TECPR1: variants seen among roughly 807,000 people sequenced by gnomAD.
TECPR1 encodes the protein tectonin beta-propeller repeat containing 1.
A neutral mutation model predicts 162.4 loss-of-function variants in TECPR1; 122 were observed. The ratio of observed to expected loss-of-function variants is 0.75; its 90% CI spans 0.65 to 0.87. TECPR1 has a LOEUF of 0.87. Ranked by LOEUF, TECPR1 falls within the 40% of genes least tolerant of loss-of-function variation. The pLI is 0.00. For synonymous variants in TECPR1, 642 were observed against 670.6 expected, an observed-to-expected ratio of 0.96 and a Z score of 0.66; for missense variants, 1,432 against 1,618.2, an observed-to-expected ratio of 0.88 and a Z score of 1.97.
At position 98,228,075 on chromosome 7, in the gene TECPR1, C is replaced by T. The variant is rs201936543; in HGVS notation, c.2452G>A (p.Val818Met). ...TTCTCATAGATGTGAACACACTTCA[C>T]GTCTGACTGCGTGTAGATGTTACTG... ...STSNIYTQSD[V>M]KCVHIYENQR... The change falls in exon 17 of 26, where the codon GTG becomes ATG. Residue 818 changes from valine (V) to methionine (M), a missense_variant. Physicochemically the swap from Val to Met is conservative, Grantham distance 21. Coordinates refer to ENST00000447648, the MANE Select transcript of TECPR1 (RefSeq NM_015395.3). The T allele has an allele frequency of 3.7e-3, 5,922 of 1,612,786 alleles. 24 individuals carry two copies. Among genetic ancestry groups the T allele is most frequent in the Non-Finnish European group, 4.5e-3 (5,350 of 1,179,546 alleles).
rs192756630 is a variant in TECPR1 at position 98,226,708 on chromosome 7, C to T, written c.2513+1306G>A. The T allele has an allele frequency of 7.1e-4, 848 of 1,191,714 alleles. 4 individuals carry two copies. The African/African-American group carries it at 0.012, about 17-fold the overall frequency. The allele number at this position is 1,191,714 out of a possible 1,614,324, so 73.8% of individuals were successfully genotyped here. ...ATCTCAACACTTTGGGAGGCTGAGG[C>T]GGGCTTCGGGAGTTCAGGAGTTGGA... On this transcript the variant is annotated intron_variant, in intron 17 of 25. Coordinates refer to ENST00000447648, the MANE Select transcript of TECPR1 (RefSeq NM_015395.3).
Position 98,236,810 on chromosome 7 carries a change from G to T in TECPR1, c.1147C>A (p.Arg383=). 6.3e-7 allele frequency: 1 copy of T among 1,588,966 alleles called. No homozygotes were observed. Among genetic ancestry groups the T allele is most frequent in the Non-Finnish European group, 8.5e-7 (1 of 1,171,864 alleles). The part of the protein sequence containing the change: ...KAIIAARECD[R]SHSGSSSSLL... ...CTAGACGAGCTGCCAGAGTGTGACC[G>T]GTCACACTCTCGGGCCGCGATGATG... The change falls in exon 10 of 26, where the codon CGG becomes AGG. Residue 383 remains arginine (R), a synonymous_variant. Coordinates refer to ENST00000447648, the MANE Select transcript of TECPR1 (RefSeq NM_015395.3).
chr7:98,219,248 T>C (rs144500136), intron 23 of TECPR1, among the ~76,000 whole-genome samples: 1 of 152,012 alleles, frequency 6.6e-6, no homozygotes, highest in Admixed American at 6.5e-5. Flanking sequence ...TCAAGATGAA[T>C]CAAACACTTA....
At chr7:98,248,794 C>CAA (rs1417136391) in intron 2 of TECPR1, among the ~76,000 whole-genome samples, 12 of 151,194 alleles carry the variant, frequency 7.9e-5, no homozygotes, top group African/African-American at 2.7e-4. Context: ...TGCAGAGAGC[C>CAA]GAGATTGCAC....
Position 98,232,724 on chromosome 7 carries a change from G to A in TECPR1, c.1818+103C>T, listed in dbSNP as rs1380413856. ...CATCTGGGCGGGAGACCAGGGGATG[G>A]AGGCATCTATCTGTTTCTCTCAGAG... On this transcript the variant is annotated intron_variant, in intron 12 of 25. Coordinates refer to ENST00000447648, the MANE Select transcript of TECPR1 (RefSeq NM_015395.3). This position sits in a 1 kb window ranked among gnomAD's most constrained non-coding sequence, Gnocchi z 4.6. 1.5e-6 allele frequency: 2 copies of A among 1,362,638 alleles called. No individual in the cohort carries two copies. The highest frequency in any genetic ancestry group is 2.9e-5 in the African/African-American group (2 of 68,216). The allele number at this position is 1,362,638 out of a possible 1,614,324, so 84.4% of individuals were successfully genotyped here.
intron 8 of TECPR1, among the ~76,000 whole-genome samples, chr7:98,240,152 C>T (rs1206891954): frequency 6.6e-6 from 1 of 151,958 alleles, no homozygotes; most frequent in East Asian, 1.9e-4. Flanking sequence ...AATCGGAAAT[C>T]GGCTGGTTTT....
rs1338486366 is a variant in TECPR1 at position 98,239,217 on chromosome 7, C to T, written c.934-607G>A. Reference sequence around the variant, plus strand: ...TTCTCCATGGTGGCCTGGGAGGCCCCGTTAGTCTCAGACCTACTGGAGACC... The same window carrying T: ...TTCTCCATGGTGGCCTGGGAGGCCCTGTTAGTCTCAGACCTACTGGAGACC... On this transcript the variant is annotated intron_variant, in intron 8 of 25. Transcript: ENST00000447648. Among the ~76,000 whole-genome samples, 7 of 152,178 alleles carry T rather than the reference C, an allele frequency of 4.6e-5. No homozygotes were observed. In the East Asian group the frequency reaches 1.3e-3, roughly 29 times the overall value.
At position 98,246,102 on chromosome 7, in the gene TECPR1, C is replaced by T. The variant is rs1562945777; in HGVS notation, c.45G>A (p.Val15=). 6.4e-7 allele frequency: 1 copy of T among 1,556,598 alleles called. No individual in the cohort carries two copies. The highest frequency in any genetic ancestry group is 8.7e-7 in the Non-Finnish European group (1 of 1,151,120). The stretch of plus-strand genomic sequence containing the variant: ...ACTGGCCTGCTGTGGACAGCGTGTA[C>T]ACTCTCCCGAAGAGGTCCACCGCCC... The part of the protein sequence containing the change: ...VLWAVDLFGR[V]YTLSTAGQYW... The change falls in exon 3 of 26, where the codon GTG becomes GTA. Residue 15 remains valine, a synonymous_variant. Transcript: ENST00000447648.
chr7:98,221,544 C>G (rs148019324), intron 23 of TECPR1, 117 bp downstream of exon 23: 3 of 820,572 alleles, frequency 3.7e-6, no homozygotes, highest in Non-Finnish European at 6.0e-6. Context: ...CCAGGCTGGT[C>G]TCGAACTCCT....
chr7:98,224,613 T>C (rs185946352), intron 19 of TECPR1, among the ~76,000 whole-genome samples, 188 bp downstream of exon 19: 299 of 152,284 alleles, frequency 2.0e-3, no homozygotes, highest in Non-Finnish European at 3.7e-3. Context: ...AGCACTCCCC[T>C]GGGCCCCTCC....
At chr7:98,221,937 G>A (rs1798152641) in intron 22 of TECPR1, among the ~76,000 whole-genome samples, 184 bp from the exon 23 acceptor site, 1 of 152,190 alleles carries the variant, frequency 6.6e-6, no homozygotes, top group African/African-American at 2.4e-5. Context: ...TGGAAGCCAT[G>A]GCGGGCTCCG....
chr7:98,223,675 TC>T lies in TECPR1; in HGVS notation c.2733del (p.Arg912GlyfsTer10). The T allele has an allele frequency of 6.2e-7, 1 of 1,613,636 alleles. No homozygotes were observed. Among genetic ancestry groups the T allele is most frequent in the Non-Finnish European group, 8.5e-7 (1 of 1,179,786 alleles). On this transcript the variant is annotated frameshift_variant, in exon 20 of 26. Transcript: ENST00000447648. LOFTEE classifies it high-confidence loss of function. ...GCCCTGCCTCACCTGGCCCAGCACC[TC>T]CTCCTCACAAAATCCTTCATCGTTT... The part of the protein sequence containing the change: ...GSKTMKDFVR[R>X]RCWARKCKLV...
rs774936725 is a variant in TECPR1 at position 98,241,036 on chromosome 7, C to T, written c.832+34G>A. On this transcript the variant is annotated intron_variant, in intron 7 of 25. Transcript: ENST00000447648. The surrounding 1 kb of genome is among the most constrained non-coding windows in gnomAD (Gnocchi z 5.0). ...GTGACCCTCACCCTTCTCCCCAGTACAGGGTATGTGGGTGGGGGAGCCGGG... is the reference window on the plus strand; with the variant it reads ...GTGACCCTCACCCTTCTCCCCAGTATAGGGTATGTGGGTGGGGGAGCCGGG... 6.3e-7 allele frequency: 1 copy of T among 1,592,884 alleles called. No individual in the cohort carries two copies. Among genetic ancestry groups the T allele is most frequent in the Admixed American group, 1.8e-5 (1 of 56,894 alleles).
chr7:98,219,837 G>A (rs1245039460), intron 23 of TECPR1, among the ~76,000 whole-genome samples: 3 of 151,888 alleles, frequency 2.0e-5, no homozygotes, highest in East Asian at 3.9e-4. Context: ...GGAGGCAGAG[G>A]TTGCAGTGAG....
At chr7:98,224,767 C>G in intron 19 of TECPR1, 34 bp downstream of exon 19, 1 of 1,552,836 alleles carries the variant, frequency 6.4e-7, no homozygotes, top group Non-Finnish European at 8.7e-7. Context: ...CATTCAGGAC[C>G]CAGCCCGAAG....
intron 15 of TECPR1, among the ~76,000 whole-genome samples, chr7:98,230,278 T>C (rs1028884545): frequency 6.6e-6 from 1 of 152,018 alleles, no homozygotes; most frequent in Non-Finnish European, 1.5e-5. Context: ...AGTGATGAGA[T>C]TGCAGGCGTG....
Position 98,222,438 on chromosome 7 carries a change from T to C in TECPR1, c.3012A>G (p.Ala1004=). The C allele has an allele frequency of 6.3e-7, 1 of 1,596,200 alleles. No individual in the cohort carries two copies. The highest frequency in any genetic ancestry group is 8.5e-7 in the Non-Finnish European group (1 of 1,172,410). Residue 1004 remains alanine (A), a synonymous_variant, in exon 22 of 26, where the codon GCA becomes GCG. Transcript: ENST00000447648. ...IGACYQVWAV[A]RDGSAFYRGS... is the part of the protein sequence containing the mutation. Reference sequence around the variant, plus strand: ...CCCGGTAGAAGGCGGAGCCGTCCCTTGCCACGGCCCACACCTGGTAGCAGG... The same window carrying C: ...CCCGGTAGAAGGCGGAGCCGTCCCTCGCCACGGCCCACACCTGGTAGCAGG...
At chr7:98,233,149 C>A in intron 11 of TECPR1, 177 bp from the exon 12 acceptor site, 1 of 850,336 alleles carries the variant, frequency 1.2e-6, no homozygotes, top group Non-Finnish European at 1.7e-6. Flanking sequence ...GTAATTCAGC[C>A]TGGAAAGCAG....
chr7:98,223,012 C>T lies in TECPR1; in HGVS notation c.2906G>A (p.Gly969Asp), dbSNP rs374207921. Residue 969 changes from glycine (G) to aspartate (D), a missense_variant, in exon 21 of 26, where the codon GGC becomes GAC. Gly to Asp is a moderately conservative substitution (Grantham distance 94). Coordinates refer to ENST00000447648, the MANE Select transcript of TECPR1 (RefSeq NM_015395.3). The part of the protein sequence containing the change: ...SDKGDVLCRL[G>D]VSELNPAGSS... ...CACCGCAGGGTTGAGCTCCGACACGCCCAGGCGGCACAGCACATCCCCCTT... is the reference window on the plus strand; with the variant it reads ...CACCGCAGGGTTGAGCTCCGACACGTCCAGGCGGCACAGCACATCCCCCTT... The T allele has an allele frequency of 6.2e-7, 1 of 1,611,894 alleles. No individual in the cohort carries two copies. The highest frequency in any genetic ancestry group is 8.5e-7 in the Non-Finnish European group (1 of 1,179,566).
Sources: gnomAD v4.1 joint callset for allele counts (sites outside exome capture counted in the v4.1 genomes callset) on GRCh38, gnomAD v4.1.1 for gene constraint, Gnocchi (gnomAD v3.1) non-coding constraint, MANE v1.5 for transcripts, NCBI Gene and HGNC (gene_info 2026-07-23, HGNC 2026-07-21) for gene names.